The following GRIN2A variants were observed in gnomAD, a reference collection of about 807,000 sequenced individuals.
GRIN2A encodes glutamate receptor ionotropic, NMDA 2A.
In GRIN2A, 22 loss-of-function variants were observed where a neutral mutation model predicts 113.4. The observed-to-expected ratio is 0.19, with a 90% CI of 0.14 to 0.28. The LOEUF (loss-of-function observed/expected upper bound fraction) is 0.28, where lower values mean the gene tolerates loss of function less well. GRIN2A is among the 10% of genes least tolerant of loss of function. GRIN2A has a pLI of 1.00. For synonymous variants in GRIN2A, 827 were observed against 738.4 expected (o/e 1.12, Z -1.94); for missense variants, 1,502 against 1,887.0 (o/e 0.80, Z 3.78).
At chr16:9,864,899 G>T (rs115693379) in intron 4 of GRIN2A, among the ~76,000 whole-genome samples, 1,809 of 152,242 alleles carry the variant, frequency 0.012, 28 homozygotes, top group African/African-American at 0.041. Flanking sequence ...AATGAAAGGG[G>T]TTGGTGCCTG....
In GRIN2A at chr16:10,130,473, A is replaced by C. The variant is rs58286783; in HGVS notation, c.414+49525T>G. 2.5e-3 allele frequency among the ~76,000 whole-genome samples: 386 copies of C among 152,324 alleles called. 2 individuals are homozygous for C. Among genetic ancestry groups the C allele is most frequent in the African/African-American group, 8.3e-3 (345 of 41,582 alleles). ...CACCGAACATCCCCTGAGTAGGCAGATGGGTCAGGCTGCTGAGTAGACTTT... is the reference window on the plus strand; with the variant it reads ...CACCGAACATCCCCTGAGTAGGCAGCTGGGTCAGGCTGCTGAGTAGACTTT... On this transcript the variant is annotated intron_variant, in intron 2 of 12. Transcript: ENST00000330684.
chr16:9,961,186 C>T (rs921603151), intron 2 of GRIN2A, among the ~76,000 whole-genome samples: 58 of 152,158 alleles, frequency 3.8e-4, no homozygotes, highest in African/African-American at 1.3e-3. Context: ...GTACCAAGAA[C>T]TACTATCTCA....
intron 2 of GRIN2A, among the ~76,000 whole-genome samples, chr16:10,053,843 TAAGAAGTTA>T (rs2047400804): frequency 6.6e-6 from 1 of 152,002 alleles, no homozygotes; most frequent in Non-Finnish European, 1.5e-5. Context: ...GGAATGACAA[TAAGAAGTTA>T]AAATTTAATT....
chr16:10,049,735 T>G (rs1174338528), intron 2 of GRIN2A, among the ~76,000 whole-genome samples: 1 of 152,178 alleles, frequency 6.6e-6, no homozygotes, highest in East Asian at 1.9e-4. Flanking sequence ...TCCATTATAC[T>G]TAGCACCCTC....
intron 12 of GRIN2A, among the ~76,000 whole-genome samples, chr16:9,768,288 G>A (rs544822853): frequency 3.9e-5 from 6 of 152,226 alleles, no homozygotes; most frequent in Admixed American, 2.6e-4. Flanking sequence ...TCCTGACCTC[G>A]TGATCCGCCC....
At chr16:10,119,460 T>C (rs182964725) in intron 2 of GRIN2A, among the ~76,000 whole-genome samples, 26 of 151,990 alleles carry the variant, frequency 1.7e-4, no homozygotes, top group African/African-American at 6.0e-4. Flanking sequence ...GTCATCTCTG[T>C]AGCCTCCACA....
rs562943466 is a variant in GRIN2A, at chr16:9,801,291, T to C, written c.2169-2827A>G. ...CATGTTGCCATGGAGATATAGAAAC[T>C]TGGTTTTATTTAGACTTTCTAAGTA... On this transcript the variant is annotated intron_variant, in intron 10 of 12. Coordinates refer to ENST00000330684, the MANE Select transcript of GRIN2A (RefSeq NM_001134407.3). Among the ~76,000 whole-genome samples, 67 of 152,352 alleles carry C rather than the reference T, an allele frequency of 4.4e-4. No homozygotes were observed. In the Middle Eastern group the frequency reaches 0.01, roughly 23 times the overall value.
At chr16:10,111,931 A>C (rs11646734) in intron 2 of GRIN2A, 6 of 766,250 alleles carry the variant, frequency 7.8e-6, no homozygotes, top group Admixed American at 3.8e-5. Flanking sequence ...GCCAAGGATC[A>C]AGCTGATGGT....
At position 10,004,425 on chromosome 16, in the gene GRIN2A, G is replaced by A. The variant is rs1022036662; in HGVS notation, c.415-65874C>T. 4.6e-5 allele frequency among the ~76,000 whole-genome samples: 7 copies of A among 151,808 alleles called. No individual in the cohort carries two copies. The South Asian group carries it at 6.2e-4, about 14-fold the overall frequency. On this transcript the variant is annotated intron_variant, in intron 2 of 12. Coordinates refer to ENST00000330684, the MANE Select transcript of GRIN2A (RefSeq NM_001134407.3). ...AGGACAATTATGGGATGTTTCTTACGGCTGCTGTAACAAATTACTACAAAC... is the reference window on the plus strand; with the variant it reads ...AGGACAATTATGGGATGTTTCTTACAGCTGCTGTAACAAATTACTACAAAC...
At chr16:10,094,099 G>C (rs963609230) in intron 2 of GRIN2A, among the ~76,000 whole-genome samples, 1 of 152,166 alleles carries the variant, frequency 6.6e-6, no homozygotes, top group Non-Finnish European at 1.5e-5. Flanking sequence ...AGGTTTCATG[G>C]AGCAGTTACT....
At chr16:10,042,002 C>A (rs1437705087) in intron 2 of GRIN2A, among the ~76,000 whole-genome samples, 1 of 152,132 alleles carries the variant, frequency 6.6e-6, no homozygotes, top group African/African-American at 2.4e-5. Flanking sequence ...TCTGAGTCCT[C>A]CTTGTGCAAT....
At chr16:10,078,275 A>G (rs1377810740) in intron 2 of GRIN2A, among the ~76,000 whole-genome samples, 1 of 152,056 alleles carries the variant, frequency 6.6e-6, no homozygotes, top group African/African-American at 2.4e-5. Context: ...ACAGAGCTTT[A>G]CCAGCCAAGT....
chr16:10,142,446 C>A (rs541798073), intron 2 of GRIN2A, among the ~76,000 whole-genome samples: 1 of 152,326 alleles, frequency 6.6e-6, no homozygotes, highest in South Asian at 2.1e-4. Context: ...CCTGTAATCC[C>A]AACACTTTGG....
At chr16:10,058,599 A>T (rs1300859735) in intron 2 of GRIN2A, among the ~76,000 whole-genome samples, 1 of 152,274 alleles carries the variant, frequency 6.6e-6, no homozygotes, top group East Asian at 1.9e-4. Flanking sequence ...TTCAAAATGA[A>T]AAGAATGAAA....
rs1412461359 is a variant in GRIN2A, at chr16:9,764,083, G to A, written c.3461C>T (p.Pro1154Leu). The change falls in exon 13 of 13, where the codon CCC (proline) becomes CTC (leucine). Residue 1154 changes from proline to leucine, a missense_variant. Pro to Leu is a moderately conservative substitution (Grantham distance 98, BLOSUM62 -3). Transcript: ENST00000330684. ...NVDFPDPYQD[P>L]SENFRKGDST... ...GTCCCCCTTGCGGAAGTTTTCACTGGGATCCTGGTAGGGGTCCGGGAAGTC... is the reference window on the plus strand; with the variant it reads ...GTCCCCCTTGCGGAAGTTTTCACTGAGATCCTGGTAGGGGTCCGGGAAGTC... The A allele has an allele frequency of 6.2e-7, 1 of 1,613,386 alleles. No individual in the cohort carries two copies. The highest frequency in any genetic ancestry group is 8.5e-7 in the Non-Finnish European group (1 of 1,179,524).
In GRIN2A at chr16:9,843,738, G is replaced by C. The variant is rs572086612; in HGVS notation, c.1329-2634C>G. On this transcript the variant is annotated intron_variant, in intron 5 of 12. Transcript: ENST00000330684. ...CCTGCTGTCATCCACCACCCTTAGT[G>C]GGGGGGTAGTAGGAGGCCACATCTG... 4.2e-5 allele frequency among the ~76,000 whole-genome samples: 6 copies of C among 144,062 alleles called. No homozygotes were observed. In the South Asian group the frequency reaches 6.2e-4, roughly 15 times the overall value. The allele number at this position is 144,062 out of a possible 152,430, so 94.5% of individuals were successfully genotyped here.
At chr16:9,908,062 T>C (rs2044063132) in intron 3 of GRIN2A, among the ~76,000 whole-genome samples, 1 of 152,214 alleles carries the variant, frequency 6.6e-6, no homozygotes, top group South Asian at 2.1e-4. Context: ...GGATGGCATG[T>C]GAGAACCATC....
intron 8 of GRIN2A, 139 bp from the exon 9 acceptor site, chr16:9,829,791 C>G (rs1259230032): frequency 3.0e-6 from 2 of 659,134 alleles, no homozygotes; most frequent in East Asian, 5.5e-5. Flanking sequence ...CTGTGATTGC[C>G]CTAGAACCAC....
intron 2 of GRIN2A, among the ~76,000 whole-genome samples, chr16:10,051,319 G>A (rs2047356090): frequency 6.6e-6 from 1 of 152,146 alleles, no homozygotes; most frequent in African/African-American, 2.4e-5. Flanking sequence ...TGCACAGACA[G>A]GAACAAGACA....
Sources: allele counts gnomAD v4.1 joint callset (sites outside exome capture counted in the v4.1 genomes callset), GRCh38; gene constraint gnomAD v4.1.1; transcripts MANE v1.5; gene names NCBI Gene and HGNC (gene_info 2026-07-23, HGNC 2026-07-21).